Variants in DNAH14 observed in about 807,000 individuals in gnomAD.
The protein encoded by DNAH14 is axonemal beta dynein heavy chain 14.
DNAH14 carries 478 observed loss-of-function variants against 520.9 expected under a neutral mutation model. The observed-to-expected ratio is 0.92, with a 90% CI of 0.85 to 0.99. DNAH14 has a LOEUF of 0.99. Ranked by LOEUF, DNAH14 falls within the 50% of genes least tolerant of loss-of-function variation. The pLI, the probability that DNAH14 is intolerant of heterozygous loss-of-function variation, is 0.00. For missense variants in DNAH14, 4,831 were observed against 5,234.5 expected (o/e 0.92, Z 2.38); for synonymous variants, 1,581 against 1,757.2 (o/e 0.90, Z 2.51).
At chr1:225,223,485 C>T (rs931946529) in intron 41 of DNAH14, among the ~76,000 whole-genome samples, 1 of 152,192 alleles carries the variant, frequency 6.6e-6, no homozygotes, top group South Asian at 2.1e-4. Context: ...TAAAAGTCGG[C>T]CATATAGAAC....
At chr1:225,302,923 C>G (rs977480971) in intron 56 of DNAH14, among the ~76,000 whole-genome samples, 2 of 152,084 alleles carry the variant, frequency 1.3e-5, no homozygotes, top group African/African-American at 4.8e-5. Flanking sequence ...AGCACCAGCC[C>G]CCATCATAAG....
Position 225,277,514 on chromosome 1 carries a change from A to T in DNAH14, c.8271+12A>T, listed in dbSNP as rs1207412974. On this transcript the variant is annotated intron_variant, in intron 54 of 85. Coordinates refer to ENST00000682510, the MANE Select transcript of DNAH14 (RefSeq NM_001367479.1). ...GTCACATGTTACTGGTAGGAATTTAAATTTTTCAAGTGGTTTTAAGTTTAC... is the reference window on the plus strand; with the variant it reads ...GTCACATGTTACTGGTAGGAATTTATATTTTTCAAGTGGTTTTAAGTTTAC... 2.1e-6 allele frequency: 1 copy of T among 470,598 alleles called. No individual in the cohort carries two copies. The highest frequency in any genetic ancestry group is 4.4e-6 in the Non-Finnish European group (1 of 226,908). The allele number at this position is 470,598 out of a possible 1,614,324, so 29.2% of individuals were successfully genotyped here.
At chr1:225,229,769 G>T (rs2090920282) in intron 41 of DNAH14, among the ~76,000 whole-genome samples, 2 of 151,996 alleles carry the variant, frequency 1.3e-5, no homozygotes, top group Admixed American at 1.3e-4. Flanking sequence ...GCCTGTCAGG[G>T]GTGGGGGTCA....
chr1:224,931,581 T>G (rs2058701993), intron 1 of DNAH14, among the ~76,000 whole-genome samples: 1 of 152,216 alleles, frequency 6.6e-6, no homozygotes, highest in Admixed American at 6.5e-5. Flanking sequence ...TCCCACTTCC[T>G]GCCATTCATC....
intron 71 of DNAH14, among the ~76,000 whole-genome samples, chr1:225,349,710 A>G (rs1249621982): frequency 1.3e-5 from 2 of 152,192 alleles, no homozygotes; most frequent in Non-Finnish European, 2.9e-5. Flanking sequence ...AAAGACAGAC[A>G]TGAGATAATG....
At chr1:225,238,246 G>A (rs2091733085) in intron 42 of DNAH14, among the ~76,000 whole-genome samples, 1 of 152,158 alleles carries the variant, frequency 6.6e-6, no homozygotes, top group African/African-American at 2.4e-5. Context: ...ATCTTTGTGG[G>A]CTTATCTATC....
chr1:225,082,823 A>G (rs1184729794), intron 20 of DNAH14, 84 bp downstream of exon 20: 4 of 1,125,884 alleles, frequency 3.6e-6, no homozygotes, highest in South Asian at 1.6e-5. Flanking sequence ...TACAATGGAT[A>G]GGAATTAGGA....
At chr1:225,106,075 T>C (rs2076020550) in intron 23 of DNAH14, among the ~76,000 whole-genome samples, 1 of 146,300 alleles carries the variant, frequency 6.8e-6, no homozygotes, top group Admixed American at 6.7e-5. Context: ...AGGGCAGGCC[T>C]GGTGGTGACA....
intron 69 of DNAH14, among the ~76,000 whole-genome samples, chr1:225,343,522 A>G (rs529824501): frequency 5.9e-5 from 9 of 152,298 alleles, no homozygotes; most frequent in East Asian, 3.9e-4. Flanking sequence ...GAGAATTTTT[A>G]AGAGAAATAA....
chr1:225,331,282 A>G (rs2094792215), intron 64 of DNAH14, among the ~76,000 whole-genome samples, 155 bp from the exon 65 acceptor site: 1 of 152,202 alleles, frequency 6.6e-6, no homozygotes, highest in South Asian at 2.1e-4. Context: ...CATTTCTACA[A>G]TGTCCATTTT....
chr1:225,117,949 T>A lies in DNAH14; in HGVS notation c.4041T>A (p.Pro1347=). ...LLIWKQDIGP[P]AVKMLISAEG... ...TATGGAAACAAGACATTGGCCCTCCTGCTGTAAAAATGCTAATATCTGCTG... is the reference window on the plus strand; with the variant it reads ...TATGGAAACAAGACATTGGCCCTCCAGCTGTAAAAATGCTAATATCTGCTG... Residue 1347 remains proline, a synonymous_variant, in exon 25 of 86, where the codon CCT becomes CCA. Coordinates refer to ENST00000682510, the MANE Select transcript of DNAH14 (RefSeq NM_001367479.1). 1.3e-6 allele frequency: 2 copies of A among 1,551,574 alleles called. 1 individual carries two copies. The highest frequency in any genetic ancestry group is 2.4e-5 in the South Asian group (2 of 84,058).
At chr1:225,113,883 T>A (rs946253965) in intron 23 of DNAH14, among the ~76,000 whole-genome samples, 3 of 152,088 alleles carry the variant, frequency 2.0e-5, no homozygotes, top group Non-Finnish European at 4.4e-5. Flanking sequence ...GGTAATGGAC[T>A]CCATTCTAGC....
At chr1:225,357,356 T>G (rs1205228887) in intron 73 of DNAH14, among the ~76,000 whole-genome samples, 1 of 151,094 alleles carries the variant, frequency 6.6e-6, no homozygotes, top group Non-Finnish European at 1.5e-5. Context: ...TTTACAACAG[T>G]GGAGAAATGT....
intron 41 of DNAH14, among the ~76,000 whole-genome samples, chr1:225,210,219 A>G (rs1236456127): frequency 6.6e-6 from 1 of 152,130 alleles, no homozygotes; most frequent in African/African-American, 2.4e-5. Context: ...CTAGTTCAGC[A>G]GATCCCAACC....
At chr1:225,189,846 T>C (rs2085196115) in intron 37 of DNAH14, among the ~76,000 whole-genome samples, 1 of 152,036 alleles carries the variant, frequency 6.6e-6, no homozygotes, top group Admixed American at 6.6e-5. Context: ...TCTTGTATCT[T>C]TTTTGTTTCT....
chr1:225,103,206 G>C (rs1389916327), intron 23 of DNAH14, among the ~76,000 whole-genome samples: 1 of 152,116 alleles, frequency 6.6e-6, no homozygotes, highest in African/African-American at 2.4e-5. Flanking sequence ...TTGTAGATAT[G>C]GGACATTATT....
intron 11 of DNAH14, among the ~76,000 whole-genome samples, chr1:225,026,900 T>C (rs1030894599): frequency 3.9e-5 from 6 of 152,192 alleles, no homozygotes; most frequent in Non-Finnish European, 8.8e-5. Context: ...ATGGTCTGTC[T>C]TTCCATTTAT....
At position 225,360,718 on chromosome 1, in the gene DNAH14, A is replaced by G. The variant is rs1349950966; in HGVS notation, c.11814A>G (p.Gln3938=). 6.4e-7 allele frequency: 1 copy of G among 1,551,714 alleles called. No homozygotes were observed. The highest frequency in any genetic ancestry group is 8.7e-7 in the Non-Finnish European group (1 of 1,146,984). ...CCAATATCCTCCTGAGATTTGCACA[A>G]GAGTTAAAAGGAACAACACATCATG... ...DLTNILLRFA[Q]ELKGTTHHVT... The change falls in exon 75 of 86, where the codon CAA becomes CAG. Residue 3938 remains glutamine (Q), a synonymous_variant. Coordinates refer to ENST00000682510, the MANE Select transcript of DNAH14 (RefSeq NM_001367479.1).
Position 225,394,278 on chromosome 1 carries a change from G to A in DNAH14, c.13491+1827G>A, listed in dbSNP as rs542078994. ...GTCGTATTGATTTATAGAAGTTCTTGTGTATTCTGAATATAAGCTGTCAGG... is the reference window on the plus strand; with the variant it reads ...GTCGTATTGATTTATAGAAGTTCTTATGTATTCTGAATATAAGCTGTCAGG... On this transcript the variant is annotated intron_variant, in intron 84 of 85. Coordinates refer to ENST00000682510, the MANE Select transcript of DNAH14 (RefSeq NM_001367479.1). Among the ~76,000 whole-genome samples, 3 of 152,298 alleles carry A rather than the reference G, an allele frequency of 2.0e-5. No homozygotes were observed. The East Asian group carries it at 5.8e-4, about 29-fold the overall frequency.
Sources: allele counts gnomAD v4.1 joint callset (sites outside exome capture counted in the v4.1 genomes callset), GRCh38; gene constraint gnomAD v4.1.1; transcripts MANE v1.5; gene names NCBI Gene and HGNC (gene_info 2026-07-23, HGNC 2026-07-21).